Variants in GNAI1 observed in about 807,000 individuals in gnomAD.
GNAI1 encodes G protein subunit alpha i1.
Under a neutral mutation model 38.9 loss-of-function variants are expected in GNAI1, and 11 were observed. That is an observed-to-expected ratio of 0.28 (90% CI 0.18 to 0.47). The LOEUF (loss-of-function observed/expected upper bound fraction) is 0.47. Among genes scored for constraint, GNAI1 ranks in the 20% least tolerant of loss-of-function variants. The pLI, the probability that GNAI1 is intolerant of heterozygous loss-of-function variation, is 0.99. For missense variants in GNAI1, 317 were observed against 436.9 expected, an observed-to-expected ratio of 0.73 and a Z score of 2.45; for synonymous variants, 166 against 145.1, an observed-to-expected ratio of 1.14 and a Z score of -1.04.
chr7:80,177,277 G>A (rs1192853992), intron 1 of GNAI1, among the ~76,000 whole-genome samples: 4 of 151,854 alleles, frequency 2.6e-5, no homozygotes, highest in Non-Finnish European at 4.4e-5. Flanking sequence ...TGATCCACCC[G>A]CCTCAGCCTC....
rs1410669370 is a variant in GNAI1, at chr7:80,225,937, CATCAA to C, written c.*8447_*8451del. Among the ~76,000 whole-genome samples the C allele has an allele frequency of 6.6e-6, 1 of 150,622 alleles. No homozygotes were observed. Among genetic ancestry groups the C allele is most frequent in the Non-Finnish European group, 1.5e-5 (1 of 67,210 alleles). On this transcript the variant is annotated 3_prime_UTR_variant, in exon 8 of 8. Coordinates refer to ENST00000649796, the MANE Select transcript of GNAI1 (RefSeq NM_002069.6). ...ATTATTTTCTACTTGATACAGTGTGCATCAAATAAAAGTTTACTATATTGGAATAT... is the reference window on the plus strand; with the variant it reads ...ATTATTTTCTACTTGATACAGTGTGCATAAAAGTTTACTATATTGGAATAT...
chr7:80,188,630 C>T (rs1788427398), intron 1 of GNAI1, among the ~76,000 whole-genome samples: 2 of 152,110 alleles, frequency 1.3e-5, no homozygotes, highest in Non-Finnish European at 2.9e-5. Context: ...TGAACATATA[C>T]ATCATTTCAT....
At chr7:80,151,420 A>G (rs1475529127) in intron 1 of GNAI1, among the ~76,000 whole-genome samples, 1 of 152,132 alleles carries the variant, frequency 6.6e-6, no homozygotes, top group Non-Finnish European at 1.5e-5. Context: ...AAAATTACAC[A>G]CAAAACCACA....
intron 1 of GNAI1, among the ~76,000 whole-genome samples, chr7:80,158,683 T>C (rs1787861913): frequency 6.6e-6 from 1 of 152,198 alleles, no homozygotes; most frequent in African/African-American, 2.4e-5. Flanking sequence ...CCTTTATAAG[T>C]TACCCAGTCT....
At chr7:80,173,196 A>G (rs1158899021) in intron 1 of GNAI1, among the ~76,000 whole-genome samples, 2 of 152,180 alleles carry the variant, frequency 1.3e-5, no homozygotes, top group African/African-American at 4.8e-5. Flanking sequence ...TACAGGTGGG[A>G]TCATGAACAG....
intron 1 of GNAI1, among the ~76,000 whole-genome samples, chr7:80,180,293 A>G (rs866069866): frequency 1.3e-5 from 2 of 150,418 alleles, no homozygotes; most frequent in East Asian, 2.0e-4. Context: ...TAGGTCTTAC[A>G]TGAACTATAA....
chr7:80,170,719 C>T, intron 1 of GNAI1, among the ~76,000 whole-genome samples: 1 of 152,088 alleles, frequency 6.6e-6, no homozygotes, highest in Non-Finnish European at 1.5e-5. Flanking sequence ...CTCACTATCA[C>T]CAGAACAGCA....
At chr7:80,143,927 C>CGTGT (rs10665723) in intron 1 of GNAI1, among the ~76,000 whole-genome samples, 53,564 of 151,462 alleles carry the variant, frequency 0.35, 9,545 homozygotes, top group South Asian at 0.42. Context: ...TGTGTGCGCG[C>CGTGT]GTGTGTGTAT....
intron 1 of GNAI1, among the ~76,000 whole-genome samples, chr7:80,167,035 G>A (rs1057138496): frequency 2.0e-5 from 3 of 152,148 alleles, no homozygotes; most frequent in Non-Finnish European, 4.4e-5. Context: ...GAGAGTGAGT[G>A]GGTTAATGGA....
chr7:80,137,202 T>G (rs1230449289), intron 1 of GNAI1, among the ~76,000 whole-genome samples: 1 of 151,922 alleles, frequency 6.6e-6, no homozygotes, highest in Admixed American at 6.6e-5. Context: ...AGTTGAATCT[T>G]GACAGTCATC....
chr7:80,212,814 C>T lies in GNAI1; in HGVS notation c.819C>T (p.Leu273=), dbSNP rs17852393. 6.3e-7 allele frequency: 1 copy of T among 1,580,122 alleles called. No individual in the cohort carries two copies. The highest frequency in any genetic ancestry group is 8.6e-7 in the Non-Finnish European group (1 of 1,164,036). ...TACTTTTTCTAAACAAGAAGGATCT[C>T]TTTGAAGAAAAAATCAAAAAGAGCC... ...SIILFLNKKD[L]FEEKIKKSPL... is the part of the protein sequence containing the mutation. The change falls in exon 7 of 8, where the codon CTC becomes CTT. Residue 273 remains leucine, a synonymous_variant. Transcript: ENST00000649796.
At chr7:80,157,561 T>TG (rs1787839892) in intron 1 of GNAI1, among the ~76,000 whole-genome samples, 1 of 152,214 alleles carries the variant, frequency 6.6e-6, no homozygotes, top group African/African-American at 2.4e-5. Context: ...CACTTGCCAA[T>TG]GAGTGAGAGT....
chr7:80,182,534 GTAAATATTTATT>G (rs982033787), intron 1 of GNAI1, among the ~76,000 whole-genome samples: 4 of 152,086 alleles, frequency 2.6e-5, no homozygotes, highest in African/African-American at 9.7e-5. Flanking sequence ...CCATGTATGT[GTAAATATTTATT>G]TAAATATAAG....
chr7:80,142,262 G>C (rs999615356), intron 1 of GNAI1, among the ~76,000 whole-genome samples: 2 of 152,102 alleles, frequency 1.3e-5, no homozygotes, highest in Non-Finnish European at 2.9e-5. Context: ...TTTTGAAAGT[G>C]CAAAATAATT....
At chr7:80,147,044 T>C (rs2116088159) in intron 1 of GNAI1, among the ~76,000 whole-genome samples, 1 of 152,314 alleles carries the variant, frequency 6.6e-6, no homozygotes. Flanking sequence ...GACCAAAAAC[T>C]ATAATTAGTG....
chr7:80,197,588 G>C (rs888516138), intron 3 of GNAI1, among the ~76,000 whole-genome samples: 1 of 151,966 alleles, frequency 6.6e-6, no homozygotes, highest in African/African-American at 2.4e-5. Flanking sequence ...CTCATGTATA[G>C]GTAATAATTT....
intron 1 of GNAI1, among the ~76,000 whole-genome samples, chr7:80,178,947 C>G (rs1338811791): frequency 2.6e-5 from 4 of 152,158 alleles, no homozygotes; most frequent in Non-Finnish European, 5.9e-5. Context: ...ATGATCCACC[C>G]TTTTCTAACT....
chr7:80,136,488 G>C (rs1416845886), intron 1 of GNAI1, among the ~76,000 whole-genome samples: 1 of 152,122 alleles, frequency 6.6e-6, no homozygotes, highest in Non-Finnish European at 1.5e-5. Flanking sequence ...ATGACTAAAA[G>C]TAATAATGAT....
chr7:80,202,156 C>T (rs1788698304), intron 4 of GNAI1, among the ~76,000 whole-genome samples: 1 of 152,028 alleles, frequency 6.6e-6, no homozygotes, highest in African/African-American at 2.4e-5. Flanking sequence ...GTGACGTGAT[C>T]TTGGCTCACT....
Sources: allele counts gnomAD v4.1 joint callset (sites outside exome capture counted in the v4.1 genomes callset), GRCh38; gene constraint gnomAD v4.1.1; transcripts MANE v1.5; gene names NCBI Gene and HGNC (gene_info 2026-07-23, HGNC 2026-07-21).